Variants in FHIT observed in about 807,000 individuals in gnomAD.
FHIT encodes the protein fragile histidine triad diadenosine triphosphatase.
Under a neutral mutation model 17.9 loss-of-function variants are expected in FHIT, and 19 were observed. The ratio of observed to expected loss-of-function variants is 1.06; its 90% CI spans 0.74 to 1.56. FHIT has a LOEUF of 1.56. Ranked by LOEUF, FHIT falls within the 40% of genes most tolerant of loss-of-function variation. FHIT has a pLI of 0.00. For synonymous variants in FHIT, 81 were observed against 69.7 expected (o/e 1.16, Z -0.81); for missense variants, 248 against 189.2 (o/e 1.31, Z -1.82).
At chr3:60,389,625 A>T (rs535620890) in intron 5 of FHIT, among the ~76,000 whole-genome samples, 3 of 152,302 alleles carry the variant, frequency 2.0e-5, no homozygotes, top group African/African-American at 7.2e-5. Context: ...CCATCACTTC[A>T]CCTGTAAGAG....
intron 3 of FHIT, among the ~76,000 whole-genome samples, chr3:61,008,151 G>A (rs1031258232): frequency 2.0e-5 from 3 of 152,172 alleles, no homozygotes; most frequent in Non-Finnish European, 4.4e-5. Context: ...AGACCCTGTA[G>A]AAGCAAACAT....
At chr3:60,682,627 G>GCT (rs782357367) in intron 4 of FHIT, among the ~76,000 whole-genome samples, 3 of 152,124 alleles carry the variant, frequency 2.0e-5, no homozygotes, top group Non-Finnish European at 4.4e-5. Flanking sequence ...AAATATTACT[G>GCT]CTCACTGAAA....
At chr3:60,329,665 T>C (rs980666342) in intron 5 of FHIT, among the ~76,000 whole-genome samples, 1 of 152,148 alleles carries the variant, frequency 6.6e-6, no homozygotes, top group African/African-American at 2.4e-5. Flanking sequence ...CCATCTGCAT[T>C]CCTGCCTTTT....
intron 4 of FHIT, among the ~76,000 whole-genome samples, chr3:60,575,164 A>G (rs1232892941): frequency 2.6e-5 from 4 of 152,202 alleles, no homozygotes; most frequent in African/African-American, 9.6e-5. Flanking sequence ...ATAAAAAGGA[A>G]AAAGAAAGCG....
At chr3:61,020,997 T>G (rs1028875650) in intron 3 of FHIT, among the ~76,000 whole-genome samples, 1 of 152,116 alleles carries the variant, frequency 6.6e-6, no homozygotes, top group Non-Finnish European at 1.5e-5. Context: ...CCTAAATATA[T>G]ATGCACCCAA....
chr3:61,025,605 C>T (rs774478579), intron 3 of FHIT, among the ~76,000 whole-genome samples: 5 of 152,268 alleles, frequency 3.3e-5, no homozygotes, highest in East Asian at 3.9e-4. Context: ...AGATCAAATA[C>T]GGAATTATCC....
At chr3:60,215,741 GAGCAAA>G in intron 5 of FHIT, among the ~76,000 whole-genome samples, 1 of 152,222 alleles carries the variant, frequency 6.6e-6, no homozygotes, top group East Asian at 1.9e-4. Context: ...TCAGAATGAA[GAGCAAA>G]TAATAGTTAA....
At chr3:59,979,465 G>C (rs755068461) in intron 7 of FHIT, among the ~76,000 whole-genome samples, 21 of 152,026 alleles carry the variant, frequency 1.4e-4, no homozygotes, top group Non-Finnish European at 7.4e-5. Flanking sequence ...TTACTTGACA[G>C]ACTTGGGAGA....
chr3:61,094,853 C>T (rs961028591), intron 2 of FHIT, among the ~76,000 whole-genome samples: 9 of 152,116 alleles, frequency 5.9e-5, no homozygotes, highest in East Asian at 1.9e-4. Flanking sequence ...CACAATGGAG[C>T]GAGACAGCAT....
chr3:60,697,433 T>C (rs1426170636), intron 4 of FHIT, among the ~76,000 whole-genome samples: 1 of 152,168 alleles, frequency 6.6e-6, no homozygotes, highest in East Asian at 1.9e-4. Flanking sequence ...GTACAAATTA[T>C]ATTTCACAAT....
At chr3:60,819,758 G>C (rs1553738735) in intron 4 of FHIT, among the ~76,000 whole-genome samples, 1 of 152,126 alleles carries the variant, frequency 6.6e-6, no homozygotes, top group Non-Finnish European at 1.5e-5. Context: ...GTTCCGAGAG[G>C]TTGAGTTCAC....
intron 4 of FHIT, among the ~76,000 whole-genome samples, chr3:60,650,295 C>A (rs949468860): frequency 6.6e-5 from 10 of 152,262 alleles, no homozygotes; most frequent in African/African-American, 2.4e-4. Flanking sequence ...TGGTCTATTC[C>A]ATAGTAAGGA....
rs555589308 is a variant in FHIT at position 60,566,765 on chromosome 3, A to G, written c.-17-29786T>C. 4.4e-3 allele frequency among the ~76,000 whole-genome samples: 670 copies of G among 152,084 alleles called. 2 individuals carry two copies. Among genetic ancestry groups the G allele is most frequent in the African/African-American group, 0.015 (642 of 41,452 alleles). ...TGATAGGCAACTTCAGCAAAGTCTC[A>G]AGATACAAAATCAATGTGCAAAAAT... is the stretch of plus-strand genomic sequence containing the variant. On this transcript the variant is annotated intron_variant, in intron 4 of 9. Coordinates refer to ENST00000492590, the MANE Select transcript of FHIT (RefSeq NM_002012.4).
At chr3:60,306,046 C>A (rs891183528) in intron 5 of FHIT, among the ~76,000 whole-genome samples, 7 of 152,068 alleles carry the variant, frequency 4.6e-5, no homozygotes, top group African/African-American at 1.4e-4. Flanking sequence ...ACAATTTAAA[C>A]CATAATTCCA....
chr3:60,059,989 T>C (rs561385564), intron 5 of FHIT, among the ~76,000 whole-genome samples: 1 of 152,324 alleles, frequency 6.6e-6, no homozygotes, highest in East Asian at 1.9e-4. Flanking sequence ...TTGTTGTTTT[T>C]TGTTTTGTTT....
chr3:60,393,551 A>G (rs983429272), intron 5 of FHIT, among the ~76,000 whole-genome samples: 3 of 152,044 alleles, frequency 2.0e-5, no homozygotes, highest in East Asian at 1.9e-4. Flanking sequence ...CTGACCAAAT[A>G]AAAGATCCTT....
At chr3:60,100,849 T>A (rs916987499) in intron 5 of FHIT, among the ~76,000 whole-genome samples, 3 of 152,188 alleles carry the variant, frequency 2.0e-5, no homozygotes, top group Non-Finnish European at 4.4e-5. Flanking sequence ...TTGTTTCATT[T>A]AATTTTGTTC....
chr3:60,343,742 G>C (rs776340496), intron 5 of FHIT, among the ~76,000 whole-genome samples: 13 of 151,986 alleles, frequency 8.6e-5, no homozygotes, highest in Non-Finnish European at 1.8e-4. Flanking sequence ...ATGCACTGTG[G>C]ATACATCTGT....
intron 2 of FHIT, among the ~76,000 whole-genome samples, chr3:61,131,541 C>G (rs2036764202): frequency 1.3e-5 from 2 of 152,218 alleles, no homozygotes; most frequent in South Asian, 4.1e-4. Flanking sequence ...CAGGAGAGGA[C>G]TGCGTGGATG....
Sources: gnomAD v4.1 joint callset for allele counts (sites outside exome capture counted in the v4.1 genomes callset) on GRCh38, gnomAD v4.1.1 for gene constraint, MANE v1.5 for transcripts, NCBI Gene and HGNC (gene_info 2026-07-23, HGNC 2026-07-21) for gene names.